Variants in C1orf87 observed in about 807,000 individuals in gnomAD.
C1orf87 encodes chromosome 1 open reading frame 87.
C1orf87 carries 58 observed loss-of-function variants against 60.5 expected under a neutral mutation model. The observed-to-expected ratio is 0.96, with a 90% CI of 0.78 to 1.19. The LOEUF (loss-of-function observed/expected upper bound fraction) is 1.19, where lower values mean the gene tolerates loss of function less well. Ranked by LOEUF, C1orf87 falls within the 50% of genes most tolerant of loss-of-function variation. C1orf87 has a pLI of 0.00. For synonymous variants in C1orf87, 236 were observed against 227.4 expected (o/e 1.04, Z -0.34); for missense variants, 673 against 638.6 (o/e 1.05, Z -0.58).
At chr1:60,064,370 T>C (rs1223508838) in intron 2 of C1orf87, among the ~76,000 whole-genome samples, 2 of 142,294 alleles carry the variant, frequency 1.4e-5, no homozygotes, top group Non-Finnish European at 3.0e-5. Context: ...AATATATATA[T>C]ACACACACAA....
intron 2 of C1orf87, among the ~76,000 whole-genome samples, chr1:60,059,325 C>G (rs1399388474): frequency 6.6e-6 from 1 of 152,220 alleles, no homozygotes; most frequent in African/African-American, 2.4e-5. Context: ...AAGCAAGACA[C>G]AGCTAGCTTC....
chr1:60,021,094 C>T (rs1454598973), intron 8 of C1orf87, among the ~76,000 whole-genome samples: 1 of 152,130 alleles, frequency 6.6e-6, no homozygotes, highest in Non-Finnish European at 1.5e-5. Context: ...GTTTGCTTCC[C>T]CTTTGCTTTT....
chr1:60,072,485 A>T, intron 2 of C1orf87, 52 bp downstream of exon 2: 2 of 1,392,770 alleles, frequency 1.4e-6, no homozygotes, highest in South Asian at 1.3e-5. Flanking sequence ...ACAAAACAAT[A>T]AAACTTCATT....
chr1:60,050,063 TC>T (rs1476851804), intron 3 of C1orf87, among the ~76,000 whole-genome samples: 1 of 152,124 alleles, frequency 6.6e-6, no homozygotes, highest in Non-Finnish European at 1.5e-5. Flanking sequence ...AGTGCTGCTC[TC>T]CTTTTCAGGG....
At chr1:60,065,128 G>A (rs1359652236) in intron 2 of C1orf87, among the ~76,000 whole-genome samples, 3 of 120,000 alleles carry the variant, frequency 2.5e-5, no homozygotes, top group African/African-American at 9.2e-5. Context: ...AGGCAAGCAT[G>A]AGGCAACCTT....
At chr1:60,031,981 AACACACACACAC>A in intron 7 of C1orf87, among the ~76,000 whole-genome samples, 1 of 149,374 alleles carries the variant, frequency 6.7e-6, no homozygotes, top group South Asian at 2.1e-4. Context: ...ATAATATTCA[AACACACACACAC>A]ACACACACAC....
chr1:60,043,261 T>A (rs922354977), intron 3 of C1orf87, among the ~76,000 whole-genome samples: 1 of 152,166 alleles, frequency 6.6e-6, no homozygotes, highest in African/African-American at 2.4e-5. Context: ...ATGTTATTAG[T>A]AGAGCAATGA....
rs564536309 is a variant in C1orf87, at chr1:60,044,979, G to A, written c.343-3848C>T. On this transcript the variant is annotated intron_variant, in intron 3 of 11. Transcript: ENST00000371201. ...TTTACTGACTCTTCTGGGGGTGTTG[G>A]AACTTGCAAGAGTTGGAAATGTAAA... Among the ~76,000 whole-genome samples, 141 of 152,302 alleles carry A rather than the reference G, an allele frequency of 9.3e-4. 1 individual carries two copies. The Middle Eastern group carries it at 0.014, about 15-fold the overall frequency.
intron 9 of C1orf87, among the ~76,000 whole-genome samples, chr1:60,002,118 A>T (rs150878507): frequency 6.6e-6 from 1 of 152,092 alleles, no homozygotes; most frequent in Non-Finnish European, 1.5e-5. Flanking sequence ...GCCATTAACA[A>T]ATGTATATTA....
At chr1:60,033,896 A>G (rs1179902257) in intron 6 of C1orf87, among the ~76,000 whole-genome samples, 1 of 152,222 alleles carries the variant, frequency 6.6e-6, no homozygotes, top group Non-Finnish European at 1.5e-5. Flanking sequence ...GACTACAACA[A>G]AGGCCAAAAT....
intron 2 of C1orf87, among the ~76,000 whole-genome samples, chr1:60,057,886 T>C (rs930970107): frequency 6.6e-6 from 1 of 152,178 alleles, no homozygotes; most frequent in African/African-American, 2.4e-5. Flanking sequence ...TAAAGACCAT[T>C]GATTTTTGTG....
intron 7 of C1orf87, among the ~76,000 whole-genome samples, chr1:60,027,557 C>G (rs1645208259): frequency 6.6e-6 from 1 of 152,204 alleles, no homozygotes; most frequent in Non-Finnish European, 1.5e-5. Flanking sequence ...ATCTCCTGAT[C>G]TGTTGGTTTC....
chr1:59,992,644 G>A (rs939292309), intron 11 of C1orf87, among the ~76,000 whole-genome samples: 5 of 152,234 alleles, frequency 3.3e-5, no homozygotes, highest in South Asian at 2.1e-4. Flanking sequence ...GTCATTTTGC[G>A]GAAAGCCACT....
At chr1:60,021,008 G>T (rs879514831) in intron 8 of C1orf87, among the ~76,000 whole-genome samples, 3 of 152,014 alleles carry the variant, frequency 2.0e-5, no homozygotes, top group Non-Finnish European at 4.4e-5. Flanking sequence ...ATTCTCATGA[G>T]GTTTGATGGT....
chr1:60,064,306 A>AT (rs1645519002), intron 2 of C1orf87, among the ~76,000 whole-genome samples: 1 of 129,732 alleles, frequency 7.7e-6, no homozygotes, highest in South Asian at 2.4e-4. Context: ...TATTTTATAT[A>AT]TAATATATAA....
At chr1:60,052,562 T>C (rs944507265) in intron 3 of C1orf87, among the ~76,000 whole-genome samples, 62 of 152,196 alleles carry the variant, frequency 4.1e-4, no homozygotes, top group Non-Finnish European at 1.5e-4. Flanking sequence ...CATCTTCAGT[T>C]TTACTTACTT....
intron 8 of C1orf87, among the ~76,000 whole-genome samples, chr1:60,023,789 T>C (rs114665857): frequency 0.017 from 2,583 of 152,328 alleles, 46 homozygotes; most frequent in Non-Finnish European, 0.025. Context: ...TATGTTCTTG[T>C]TGGCTGGGAC....
chr1:60,034,566 T>A (rs912527559), intron 6 of C1orf87, among the ~76,000 whole-genome samples: 2 of 152,234 alleles, frequency 1.3e-5, no homozygotes, highest in Admixed American at 6.5e-5. Flanking sequence ...CCTAATTTGC[T>A]GCATTACTGA....
At chr1:60,067,048 T>C (rs1645551621) in intron 2 of C1orf87, among the ~76,000 whole-genome samples, 1 of 152,234 alleles carries the variant, frequency 6.6e-6, no homozygotes, top group South Asian at 2.1e-4. Context: ...ATGGTGTATA[T>C]GTGCCACATT....
Sources: allele counts gnomAD v4.1 joint callset (sites outside exome capture counted in the v4.1 genomes callset), GRCh38; gene constraint gnomAD v4.1.1; transcripts MANE v1.5; gene names NCBI Gene and HGNC (gene_info 2026-07-23, HGNC 2026-07-21).